Variants in TCP11L1 observed in about 807,000 individuals in gnomAD.
TCP11L1 encodes the protein t-complex 11 like 1, also known as T-complex protein 11-like protein 1.
A neutral mutation model predicts 48.9 loss-of-function variants in TCP11L1; 28 were observed. The ratio of observed to expected loss-of-function variants is 0.57; its 90% CI spans 0.42 to 0.78. TCP11L1 has a LOEUF of 0.78. Among genes scored for constraint, TCP11L1 ranks in the 30% least tolerant of loss-of-function variants. The pLI, the probability that TCP11L1 is intolerant of heterozygous loss-of-function variation, is 0.00. For synonymous variants in TCP11L1, 204 were observed against 231.9 expected (o/e 0.88, Z 1.09); for missense variants, 505 against 613.4 (o/e 0.82, Z 1.87).
intron 8 of TCP11L1, among the ~76,000 whole-genome samples, chr11:33,066,833 C>T (rs925237344): frequency 6.6e-6 from 1 of 152,096 alleles, no homozygotes; most frequent in East Asian, 1.9e-4. Context: ...GTGACTAGGA[C>T]CTGCAGTAAG....
intron 1 of TCP11L1, among the ~76,000 whole-genome samples, chr11:33,042,596 A>G (rs1853870314): frequency 6.6e-6 from 1 of 152,226 alleles, no homozygotes; most frequent in East Asian, 1.9e-4. Flanking sequence ...CAAGAAGGTA[A>G]TAAAAATATT....
At chr11:33,051,227 G>T (rs1047813318) in intron 2 of TCP11L1, among the ~76,000 whole-genome samples, 2 of 152,146 alleles carry the variant, frequency 1.3e-5, no homozygotes, top group African/African-American at 4.8e-5. Flanking sequence ...GAGTGCAGTG[G>T]TGCAATCTCA....
In TCP11L1 at chr11:33,058,843, G is replaced by T. The variant is rs554386459; in HGVS notation, c.639-116G>T. 9 of 1,159,458 alleles carry T rather than the reference G, an allele frequency of 7.8e-6. No individual in the cohort carries two copies. In the African/African-American group the frequency reaches 1.4e-4, roughly 18 times the overall value. The allele number at this position is 1,159,458 out of a possible 1,614,324, so 71.8% of individuals were successfully genotyped here. On this transcript the variant is annotated intron_variant, in intron 5 of 9. Transcript: ENST00000334274. Reference sequence around the variant, plus strand: ...ACTCCTGGGCTCAAGCAGTCCTCCCGCCTTGGCCTCCCAAAGTGTTGGGAT... The same window carrying T: ...ACTCCTGGGCTCAAGCAGTCCTCCCTCCTTGGCCTCCCAAAGTGTTGGGAT...
Position 33,049,303 on chromosome 11 carries a change from G to A in TCP11L1, c.164-5290G>A, listed in dbSNP as rs993194602. On this transcript the variant is annotated intron_variant, in intron 2 of 9. Coordinates refer to ENST00000334274, the MANE Select transcript of TCP11L1 (RefSeq NM_018393.4). ...GGACTTGATGTGATGTATTTCTGTT[G>A]TTTTCATAAATTTCAGATGGTAAGA... 2.6e-5 allele frequency among the ~76,000 whole-genome samples: 4 copies of A among 151,300 alleles called. No individual in the cohort carries two copies. The East Asian group carries it at 5.8e-4, about 22-fold the overall frequency.
chr11:33,071,828 A>G (rs748102819), intron 9 of TCP11L1, among the ~76,000 whole-genome samples: 2 of 151,968 alleles, frequency 1.3e-5, no homozygotes, highest in East Asian at 3.9e-4. Flanking sequence ...TTACTCACTC[A>G]TGCATTCATT....
At chr11:33,041,560 G>A (rs576906723) in intron 1 of TCP11L1, among the ~76,000 whole-genome samples, 4 of 152,300 alleles carry the variant, frequency 2.6e-5, no homozygotes, top group East Asian at 1.9e-4. Context: ...AGACAAGCCT[G>A]GCCAACATAG....
chr11:33,051,768 A>G (rs1392941449), intron 2 of TCP11L1, among the ~76,000 whole-genome samples: 1 of 152,058 alleles, frequency 6.6e-6, no homozygotes, highest in South Asian at 2.1e-4. Flanking sequence ...TTGACCACCT[A>G]TATATATATG....
chr11:33,052,216 C>T (rs1398464256), intron 2 of TCP11L1, among the ~76,000 whole-genome samples: 1 of 152,088 alleles, frequency 6.6e-6, no homozygotes, highest in Non-Finnish European at 1.5e-5. Flanking sequence ...AACAAACCTG[C>T]ACATGTACAC....
chr11:33,058,425 C>G (rs1245476578), intron 5 of TCP11L1, among the ~76,000 whole-genome samples: 5 of 151,988 alleles, frequency 3.3e-5, no homozygotes, highest in African/African-American at 9.7e-5. Context: ...TCTCGAACTC[C>G]TGACCTCACG....
intron 2 of TCP11L1, among the ~76,000 whole-genome samples, chr11:33,049,374 G>T (rs1158730744): frequency 6.6e-6 from 1 of 152,112 alleles, no homozygotes; most frequent in East Asian, 1.9e-4. Context: ...ACAACCTGTG[G>T]GTGTTTCTCG....
chr11:33,056,037 C>G (rs1181150045), intron 3 of TCP11L1, among the ~76,000 whole-genome samples: 3 of 151,346 alleles, frequency 2.0e-5, no homozygotes, highest in Admixed American at 6.6e-5. Context: ...AGGCTGGTCT[C>G]AAACTCCTGA....
chr11:33,054,799 T>C (rs1241991465), intron 3 of TCP11L1, 74 bp downstream of exon 3: 1 of 1,503,056 alleles, frequency 6.7e-7, no homozygotes, highest in Non-Finnish European at 9.0e-7. Context: ...TTCCTTCAGT[T>C]GATACCAATA....
intron 2 of TCP11L1, among the ~76,000 whole-genome samples, chr11:33,052,649 A>T (rs1301445775): frequency 6.6e-6 from 1 of 152,146 alleles, no homozygotes; most frequent in Non-Finnish European, 1.5e-5. Context: ...AGTACTTCTC[A>T]AACTGTGGTG....
At chr11:33,045,984 A>G (rs928048185) in intron 2 of TCP11L1, among the ~76,000 whole-genome samples, 8 of 152,256 alleles carry the variant, frequency 5.3e-5, no homozygotes, top group African/African-American at 1.9e-4. Context: ...CTAGTTTAAG[A>G]TACAATAGAT....
At position 33,061,567 on chromosome 11, in the gene TCP11L1, C is replaced by T; in HGVS notation, c.813C>T (p.Ala271=). 6.2e-7 allele frequency: 1 copy of T among 1,609,644 alleles called. No individual in the cohort carries two copies. Among genetic ancestry groups the T allele is most frequent in the Non-Finnish European group, 8.5e-7 (1 of 1,178,014 alleles). Residue 271 remains alanine (A), a synonymous_variant, in exon 7 of 10, where the codon GCC becomes GCT. Coordinates refer to ENST00000334274, the MANE Select transcript of TCP11L1 (RefSeq NM_018393.4). ...TTGTCACCCAGTGGCTGGAAGAAGC[C>T]TCAGAGGACCTTATGACTCAGAAGT... is the stretch of plus-strand genomic sequence containing the variant. ...LDFVTQWLEE[A]SEDLMTQKYK...
intron 2 of TCP11L1, among the ~76,000 whole-genome samples, chr11:33,047,738 T>C (rs747827139): frequency 6.6e-6 from 1 of 152,224 alleles, no homozygotes; most frequent in African/African-American, 2.4e-5. Flanking sequence ...CAGGCACATA[T>C]TGTCTCTGTC....
chr11:33,070,120 TAAAAA>T (rs796625851), intron 9 of TCP11L1, among the ~76,000 whole-genome samples: 2 of 144,824 alleles, frequency 1.4e-5, no homozygotes, highest in African/African-American at 5.0e-5. Flanking sequence ...TACAAAAAAT[TAAAAA>T]AAAAAAATTA....
intron 4 of TCP11L1, 144 bp from the exon 5 acceptor site, chr11:33,057,775 T>C: frequency 2.8e-6 from 2 of 704,102 alleles, no homozygotes; most frequent in Non-Finnish European, 4.5e-6. Context: ...AACATGTTTT[T>C]CTGTAGGTTT....
intron 8 of TCP11L1, 40 bp from the exon 9 acceptor site, chr11:33,068,647 T>TA (rs1854688209): frequency 6.2e-7 from 1 of 1,602,416 alleles, no homozygotes; most frequent in Non-Finnish European, 8.5e-7. Context: ...GTTAGAGGTG[T>TA]ATTTTACTTA....
Sources: gnomAD v4.1 joint callset for allele counts (sites outside exome capture counted in the v4.1 genomes callset) on GRCh38, gnomAD v4.1.1 for gene constraint, MANE v1.5 for transcripts, NCBI Gene and HGNC (gene_info 2026-07-23, HGNC 2026-07-21) for gene names.